The following ARHGAP26 variants were observed in gnomAD, a reference collection of about 807,000 sequenced individuals.
ARHGAP26 encodes the protein rho GTPase-activating protein 26.
ARHGAP26 carries 38 observed loss-of-function variants against 104.8 expected under a neutral mutation model. The observed-to-expected ratio is 0.36, with a 90% CI of 0.28 to 0.48. The LOEUF (loss-of-function observed/expected upper bound fraction) is 0.48. Among genes scored for constraint, ARHGAP26 ranks in the 20% least tolerant of loss-of-function variants. The pLI is 0.99. For missense variants in ARHGAP26, 704 were observed against 947.9 expected, an observed-to-expected ratio of 0.74 and a Z score of 3.38; for synonymous variants, 341 against 340.0, an observed-to-expected ratio of 1.00 and a Z score of -0.03.
At position 142,896,326 on chromosome 5, in the gene ARHGAP26, T is replaced by A. The variant is rs115910851; in HGVS notation, c.597+1978T>A. On this transcript the variant is annotated intron_variant, in intron 6 of 22. Coordinates refer to ENST00000645722, the MANE Select transcript of ARHGAP26 (RefSeq NM_001135608.3). The stretch of plus-strand genomic sequence containing the variant: ...TCCAAATTTGCTTGCTTTTGATGAG[T>A]TTTTTTTGTAATTGGCCCATCCAAC... 8.2e-3 allele frequency among the ~76,000 whole-genome samples: 1,251 copies of A among 152,140 alleles called. 12 individuals are homozygous for A. Among genetic ancestry groups the A allele is most frequent in the African/African-American group, 0.028 (1,150 of 41,494 alleles).
At chr5:142,931,706 A>T (rs1764744267) in intron 10 of ARHGAP26, among the ~76,000 whole-genome samples, 1 of 152,188 alleles carries the variant, frequency 6.6e-6, no homozygotes, top group Non-Finnish European at 1.5e-5. Context: ...CCGTGAGTAA[A>T]ATACTCTGTT....
At chr5:142,980,766 A>T (rs1460656457) in intron 11 of ARHGAP26, among the ~76,000 whole-genome samples, 1 of 152,106 alleles carries the variant, frequency 6.6e-6, no homozygotes, top group Non-Finnish European at 1.5e-5. Context: ...GGATTGTTGG[A>T]TCATAAGGGA....
intron 1 of ARHGAP26, among the ~76,000 whole-genome samples, chr5:142,872,342 A>T (rs189836888): frequency 1.6e-4 from 25 of 151,964 alleles, no homozygotes; most frequent in African/African-American, 5.1e-4. Context: ...CCCCCCCACC[A>T]CCCATATCTT....
In ARHGAP26 at chr5:142,935,065, A is replaced by G. The variant is rs1365784511; in HGVS notation, c.1107+2940A>G. On this transcript the variant is annotated intron_variant, in intron 11 of 22. Coordinates refer to ENST00000645722, the MANE Select transcript of ARHGAP26 (RefSeq NM_001135608.3). ...TCCTACAATAAGCATTATGGATTTT[A>G]TCTACGTAGTAAATTTGAATTATTT... is the stretch of plus-strand genomic sequence containing the variant. Among the ~76,000 whole-genome samples, 5 of 152,344 alleles carry G rather than the reference A, an allele frequency of 3.3e-5. No homozygotes were observed. The South Asian group carries it at 6.2e-4, about 19-fold the overall frequency.
intron 1 of ARHGAP26, among the ~76,000 whole-genome samples, chr5:142,811,067 G>A (rs1386427172): frequency 1.3e-5 from 2 of 152,182 alleles, no homozygotes; most frequent in East Asian, 1.9e-4. Flanking sequence ...AGAGGCCCCA[G>A]GGAGTGTTCC....
intron 20 of ARHGAP26, among the ~76,000 whole-genome samples, chr5:143,179,169 A>G (rs1441469296): frequency 6.6e-6 from 1 of 152,172 alleles, no homozygotes; most frequent in African/African-American, 2.4e-5. Context: ...GCGCCCAGCC[A>G]TTTATCATGT....
At chr5:143,039,260 T>G (rs536740162) in intron 13 of ARHGAP26, among the ~76,000 whole-genome samples, 1 of 152,230 alleles carries the variant, frequency 6.6e-6, no homozygotes, top group African/African-American at 2.4e-5. Context: ...TAGGCTGGAG[T>G]GCAGTGGCTC....
At chr5:142,938,740 A>G (rs1464411782) in intron 11 of ARHGAP26, among the ~76,000 whole-genome samples, 1 of 152,126 alleles carries the variant, frequency 6.6e-6, no homozygotes, top group East Asian at 1.9e-4. Flanking sequence ...GCCTCTTAAA[A>G]CTGCATTTCC....
At chr5:142,951,946 T>C (rs77453584) in intron 11 of ARHGAP26, among the ~76,000 whole-genome samples, 5,869 of 152,326 alleles carry the variant, frequency 0.039, 120 homozygotes, top group South Asian at 0.057. Flanking sequence ...GGCAGGGCCA[T>C]GTTCCCTCCA....
intron 1 of ARHGAP26, among the ~76,000 whole-genome samples, chr5:142,858,497 G>T (rs979354363): frequency 2.6e-5 from 4 of 151,988 alleles, no homozygotes; most frequent in Admixed American, 2.6e-4. Context: ...TACATTTCTG[G>T]GACTTAACAT....
chr5:143,001,869 A>G (rs1777236991), intron 11 of ARHGAP26, among the ~76,000 whole-genome samples: 1 of 152,258 alleles, frequency 6.6e-6, no homozygotes, highest in African/African-American at 2.4e-5. Flanking sequence ...TTGCATGCAT[A>G]CGAGTTGGCA....
intron 14 of ARHGAP26, among the ~76,000 whole-genome samples, chr5:143,044,248 C>G (rs1783899407): frequency 6.6e-6 from 1 of 152,176 alleles, no homozygotes; most frequent in South Asian, 2.1e-4. Context: ...AGAAGCATGG[C>G]AGAGTCAGGG....
At chr5:143,012,552 C>CATATATATATATATAT (rs3073231) in intron 11 of ARHGAP26, among the ~76,000 whole-genome samples, 624 of 20,768 alleles carry the variant, frequency 0.03, 76 homozygotes, top group Admixed American at 0.061. Flanking sequence ...TACATACATA[C>CATATATATATATATAT]ATATATATAT....
intron 17 of ARHGAP26, among the ~76,000 whole-genome samples, chr5:143,088,285 G>T (rs1790892397): frequency 6.6e-6 from 1 of 152,176 alleles, no homozygotes; most frequent in South Asian, 2.1e-4. Flanking sequence ...GTGACCACCT[G>T]TGATCTTTGC....
rs1554195775 is a variant in ARHGAP26 at position 143,012,577 on chromosome 5, T to TATATATATATATATATATATATATATATA, written c.1108-1501_1108-1500insATATATATATATATATATATATATATAAT. On this transcript the variant is annotated intron_variant, in intron 11 of 22. Transcript: ENST00000645722. ...CATATATATATATATATATATATAT[T>TATATATATATATATATATATATATATATA]ATGATCAGGTTCACCTTATGCCTTT... Among the ~76,000 whole-genome samples, 28 of 19,088 alleles carry TATATATATATATATATATATATATATATA rather than the reference T, an allele frequency of 1.5e-3. 5 individuals are homozygous for TATATATATATATATATATATATATATATA. Among genetic ancestry groups the TATATATATATATATATATATATATATATA allele is most frequent in the African/African-American group, 2.8e-3 (26 of 9,374 alleles). The allele number at this position is 19,088 out of a possible 152,430, so 12.5% of individuals were successfully genotyped here.
At chr5:143,192,945 A>G (rs258766) in intron 20 of ARHGAP26, among the ~76,000 whole-genome samples, 31,363 of 152,184 alleles carry the variant, frequency 0.21, 3,663 homozygotes, top group East Asian at 0.41. Flanking sequence ...GAGCATTCAT[A>G]TGCAGTAGGC....
At chr5:142,936,146 C>CACACACACACACACACACA (rs1255246557) in intron 11 of ARHGAP26, among the ~76,000 whole-genome samples, 2 of 148,862 alleles carry the variant, frequency 1.3e-5, no homozygotes, top group Admixed American at 6.7e-5. Context: ...CACACACACA[C>CACACACACACACACACACA]CCCTTCTATA....
At chr5:143,195,558 G>A (rs772905606) in intron 20 of ARHGAP26, among the ~76,000 whole-genome samples, 3 of 152,114 alleles carry the variant, frequency 2.0e-5, no homozygotes, top group African/African-American at 4.8e-5. Context: ...CCTCCTTGAC[G>A]TCCCCCTACC....
At chr5:142,875,072 A>G in intron 2 of ARHGAP26, 38 bp from the exon 3 acceptor site, 1 of 1,580,976 alleles carries the variant, frequency 6.3e-7, no homozygotes, top group Admixed American at 1.7e-5. Context: ...AAGGCCCATG[A>G]CACTCCTTCC....
Sources: gnomAD v4.1 joint callset for allele counts (sites outside exome capture counted in the v4.1 genomes callset) on GRCh38, gnomAD v4.1.1 for gene constraint, MANE v1.5 for transcripts, NCBI Gene and HGNC (gene_info 2026-07-23, HGNC 2026-07-21) for gene names.